VAMP7: variants seen among roughly 807,000 people sequenced by gnomAD.
VAMP7 encodes the protein vesicle-associated membrane protein 7.
VAMP7 carries 14 observed loss-of-function variants against 29.6 expected under a neutral mutation model. The observed-to-expected ratio is 0.47, with a 90% CI of 0.31 to 0.74. VAMP7 has a LOEUF of 0.74. Ranked by LOEUF, VAMP7 falls within the 30% of genes least tolerant of loss-of-function variation. The probability of loss-of-function intolerance (pLI) is 0.05; values close to 1 mark genes in which losing one functional copy is unlikely to be tolerated. For missense variants in VAMP7, 223 were observed against 262.4 expected (o/e 0.85, Z 1.04); for synonymous variants, 95 against 88.1 (o/e 1.08, Z -0.44).
At chrX:155,922,767 T>A in intron 6 of VAMP7, among the ~76,000 whole-genome samples, 1 of 152,170 alleles carries the variant, frequency 6.6e-6, no homozygotes, top group East Asian at 1.9e-4. Flanking sequence ...TGGTATTATC[T>A]GTCTTAGATG....
intron 5 of VAMP7, among the ~76,000 whole-genome samples, chrX:155,913,817 G>C (rs2066272550): frequency 6.6e-6 from 1 of 152,120 alleles, no homozygotes; most frequent in Admixed American, 6.5e-5. Flanking sequence ...GATGTCTCCA[G>C]CTTTGTTCTT....
chrX:155,888,075 G>A (rs769644512), intron 1 of VAMP7, among the ~76,000 whole-genome samples: 24 of 152,238 alleles, frequency 1.6e-4, no homozygotes, highest in Admixed American at 4.6e-4. Context: ...ATTCTAGAAA[G>A]AAGATGGTTG....
At chrX:155,894,955 T>C (rs1473945093) in intron 2 of VAMP7, among the ~76,000 whole-genome samples, 1 of 152,142 alleles carries the variant, frequency 6.6e-6, no homozygotes, top group Non-Finnish European at 1.5e-5. Context: ...CTGTTACTTA[T>C]TCTTCAGGTC....
intron 5 of VAMP7, among the ~76,000 whole-genome samples, chrX:155,917,112 A>G (rs765620928): frequency 1.7e-3 from 265 of 152,212 alleles, no homozygotes; most frequent in Middle Eastern, 6.8e-3. Context: ...AAGTTGATCT[A>G]CAATCTCTGA....
intron 6 of VAMP7, among the ~76,000 whole-genome samples, chrX:155,938,690 C>G (rs1017061786): frequency 1.3e-5 from 2 of 152,132 alleles, no homozygotes; most frequent in African/African-American, 4.8e-5. Context: ...GTGGCACACA[C>G]CTATAGTCCC....
In VAMP7 at chrX:155,889,440, T is replaced by C; in HGVS notation, c.-9-18T>C. On this transcript the variant is annotated intron_variant, in intron 1 of 7. Coordinates refer to ENST00000286448, the MANE Select transcript of VAMP7 (RefSeq NM_005638.6). ...GTCAAAGAAATATTCTAAATCTGTG[T>C]CTTTTTCCTTTTGATAGACTGAAGC... The C allele has an allele frequency of 1.2e-6, 2 of 1,608,978 alleles. No individual in the cohort carries two copies. Among genetic ancestry groups the C allele is most frequent in the South Asian group, 2.2e-5 (2 of 90,064 alleles).
chrX:155,898,445 T>C (rs1019344879), intron 4 of VAMP7, among the ~76,000 whole-genome samples, 196 bp downstream of exon 4: 11 of 152,028 alleles, frequency 7.2e-5, no homozygotes, highest in Non-Finnish European at 1.5e-4. Context: ...TAGTCTTTAT[T>C]ATCTCTATTA....
intron 2 of VAMP7, 135 bp downstream of exon 2, chrX:155,889,747 CT>C: frequency 1.1e-6 from 1 of 933,416 alleles, no homozygotes; most frequent in Non-Finnish European, 1.5e-6. Context: ...CCTTCACCAA[CT>C]TAGAAAATAT....
At chrX:155,910,551 G>C (rs956655461) in intron 5 of VAMP7, among the ~76,000 whole-genome samples, 4 of 149,430 alleles carry the variant, frequency 2.7e-5, no homozygotes, top group Non-Finnish European at 5.9e-5. Flanking sequence ...CATAGTAGCT[G>C]CACTAGTTTA....
intron 5 of VAMP7, among the ~76,000 whole-genome samples, chrX:155,908,432 G>T (rs1312922672): frequency 5.9e-5 from 9 of 152,154 alleles, no homozygotes; most frequent in Non-Finnish European, 1.3e-4. Flanking sequence ...GGCAGCACTC[G>T]GCAGGCTGAG....
intron 1 of VAMP7, among the ~76,000 whole-genome samples, chrX:155,883,324 C>T (rs2065826223): frequency 6.6e-6 from 1 of 152,106 alleles, no homozygotes; most frequent in Non-Finnish European, 1.5e-5. Context: ...CCTTCTTTAC[C>T]TTGCTCTCAG....
At chrX:155,908,752 A>G (rs2066189977) in intron 5 of VAMP7, among the ~76,000 whole-genome samples, 2 of 151,968 alleles carry the variant, frequency 1.3e-5, no homozygotes, top group African/African-American at 4.8e-5. Flanking sequence ...CTTTGAAGCC[A>G]CCTGGGCTTG....
intron 6 of VAMP7, among the ~76,000 whole-genome samples, chrX:155,926,922 C>T (rs2066475788): frequency 6.6e-6 from 1 of 152,108 alleles, no homozygotes; most frequent in Non-Finnish European, 1.5e-5. Flanking sequence ...AATAGCTGGT[C>T]AGTGAACAGT....
rs1315304870 is a variant in VAMP7 at position 155,943,357 on chromosome X, A to C, written c.*1406A>C. On this transcript the variant is annotated 3_prime_UTR_variant, in exon 8 of 8. Coordinates refer to ENST00000286448, the MANE Select transcript of VAMP7 (RefSeq NM_005638.6). ...TCTGGCTCATGGTACCTGTTCTTCT[A>C]TCCAAACCTTTCAATTCATGCTACC... 1.3e-5 allele frequency: 2 copies of C among 152,178 alleles called. No individual in the cohort carries two copies. The highest frequency in any genetic ancestry group is 2.9e-5 in the Non-Finnish European group (2 of 67,966). The allele number at this position is 152,178 out of a possible 1,614,324, so 9.4% of individuals were successfully genotyped here. A position where few individuals can be genotyped will look rare whatever the true frequency, so the allele number is the denominator to read the frequency against.
chrX:155,902,236 T>A lies in VAMP7; in HGVS notation c.433+1649T>A, dbSNP rs949867999. Among the ~76,000 whole-genome samples the A allele has an allele frequency of 3.3e-5, 5 of 152,168 alleles. No homozygotes were observed. The South Asian group carries it at 8.3e-4, about 25-fold the overall frequency. On this transcript the variant is annotated intron_variant, in intron 5 of 7. Coordinates refer to ENST00000286448, the MANE Select transcript of VAMP7 (RefSeq NM_005638.6). ...TTGATTTTGTATCCTGAGACTTTGCTGAAGTTGCTTATCAGCTTAAGGGGA... is the reference window on the plus strand; with the variant it reads ...TTGATTTTGTATCCTGAGACTTTGCAGAAGTTGCTTATCAGCTTAAGGGGA...
chrX:155,882,618 A>AC (rs2065816947), intron 1 of VAMP7, among the ~76,000 whole-genome samples: 1 of 152,140 alleles, frequency 6.6e-6, no homozygotes, highest in South Asian at 2.1e-4. Context: ...TCCTTCTAAG[A>AC]CCCAGAGAGA....
In VAMP7 at chrX:155,922,895, T is replaced by C. The variant is rs939391473; in HGVS notation, c.501+3015T>C. ...ATACCATCTAGTCTTTGTTCCCTTT[T>C]TGTTCTGCCTTCCATTGGATTTAGT... On this transcript the variant is annotated intron_variant, in intron 6 of 7. Coordinates refer to ENST00000286448, the MANE Select transcript of VAMP7 (RefSeq NM_005638.6). Among the ~76,000 whole-genome samples, 13 of 152,044 alleles carry C rather than the reference T, an allele frequency of 8.6e-5. 1 individual carries two copies. Among genetic ancestry groups the C allele is most frequent in the Admixed American group, 4.6e-4 (7 of 15,260 alleles).
intron 5 of VAMP7, among the ~76,000 whole-genome samples, chrX:155,904,303 A>G (rs1210390304): frequency 1.3e-5 from 2 of 151,918 alleles, no homozygotes; most frequent in African/African-American, 2.4e-5. Context: ...ATGTATACAT[A>G]TGTAACAAAC....
chrX:155,903,276 A>C (rs2066095337), intron 5 of VAMP7, among the ~76,000 whole-genome samples: 2 of 152,136 alleles, frequency 1.3e-5, no homozygotes. Flanking sequence ...AGGCATTACC[A>C]TTCAGGACAT....
Sources: allele counts gnomAD v4.1 joint callset (sites outside exome capture counted in the v4.1 genomes callset), GRCh38; gene constraint gnomAD v4.1.1; transcripts MANE v1.5; gene names NCBI Gene and HGNC (gene_info 2026-07-23, HGNC 2026-07-21).